Variants in GPAT4 observed in about 807,000 individuals in gnomAD.
GPAT4 encodes the protein glycerol-3-phosphate acyltransferase 4.
In GPAT4, 17 loss-of-function variants were observed where a neutral mutation model predicts 58.0. That is an observed-to-expected ratio of 0.29 (90% confidence interval 0.20 to 0.44). The LOEUF (loss-of-function observed/expected upper bound fraction) is 0.44, where lower values mean the gene tolerates loss of function less well. GPAT4 is among the 20% of genes least tolerant of loss of function. The probability of loss-of-function intolerance (pLI) is 1.00; values close to 1 mark genes in which losing one functional copy is unlikely to be tolerated. For missense variants in GPAT4, 377 were observed against 574.5 expected, an observed-to-expected ratio of 0.66 and a Z score of 3.51; for synonymous variants, 204 against 210.1, an observed-to-expected ratio of 0.97 and a Z score of 0.25.
At chr8:41,580,153 A>C (rs1233102815) in intron 1 of GPAT4, among the ~76,000 whole-genome samples, 2 of 152,242 alleles carry the variant, frequency 1.3e-5, no homozygotes, top group Non-Finnish European at 2.9e-5. Flanking sequence ...AAATGCCTTA[A>C]ATTATTTCTT....
intron 10 of GPAT4, among the ~76,000 whole-genome samples, chr8:41,617,682 C>A (rs1348100221): frequency 6.6e-6 from 1 of 152,228 alleles, no homozygotes; most frequent in Admixed American, 6.5e-5. Context: ...CTGCCCTGGG[C>A]TCCTTCTCAG....
chr8:41,591,097 G>A (rs889012211), intron 1 of GPAT4, among the ~76,000 whole-genome samples: 1 of 152,110 alleles, frequency 6.6e-6, no homozygotes, highest in Non-Finnish European at 1.5e-5. Context: ...ACTCTAAGGG[G>A]TTCCACGTGA....
rs1477293751 is a variant in GPAT4, at chr8:41,598,408, C to T, written c.-732C>T. 6.6e-6 allele frequency: 1 copy of T among 152,162 alleles called. No homozygotes were observed. The highest frequency in any genetic ancestry group is 1.5e-5 in the Non-Finnish European group (1 of 68,040). The allele number at this position is 152,162 out of a possible 1,614,324, so 9.4% of individuals were successfully genotyped here. The stretch of plus-strand genomic sequence containing the variant: ...TGCCAGATGCATCTGGAGTTACACT[C>T]AGCACTCGCAGTATGAGACATTGTG... On this transcript the variant is annotated 5_prime_UTR_variant, in exon 2 of 13. Coordinates refer to ENST00000396987, the MANE Select transcript of GPAT4 (RefSeq NM_178819.4).
intron 12 of GPAT4, among the ~76,000 whole-genome samples, chr8:41,620,448 A>T (rs1803716559): frequency 6.6e-6 from 1 of 152,240 alleles, no homozygotes; most frequent in South Asian, 2.1e-4. Flanking sequence ...AGCTCTCTGC[A>T]TGAGTTCAGA....
chr8:41,603,292 C>T (rs915602400), intron 2 of GPAT4, among the ~76,000 whole-genome samples: 7 of 152,124 alleles, frequency 4.6e-5, no homozygotes, highest in Admixed American at 2.0e-4. Context: ...TTTGGGAGGC[C>T]GAGGCAGGTG....
At chr8:41,594,440 A>G (rs1490375653) in intron 1 of GPAT4, among the ~76,000 whole-genome samples, 1 of 151,966 alleles carries the variant, frequency 6.6e-6, no homozygotes, top group Non-Finnish European at 1.5e-5. Context: ...GGAGGCCTAT[A>G]TTATACAACA....
At chr8:41,582,672 A>AGT (rs1195801606) in intron 1 of GPAT4, among the ~76,000 whole-genome samples, 5 of 106,662 alleles carry the variant, frequency 4.7e-5, no homozygotes, top group South Asian at 2.9e-4. Flanking sequence ...GGAGAGAGAG[A>AGT]GAGTGTGTGT....
intron 2 of GPAT4, among the ~76,000 whole-genome samples, chr8:41,606,044 C>T (rs904491631): frequency 4.6e-5 from 7 of 152,160 alleles, no homozygotes; most frequent in African/African-American, 1.7e-4. Flanking sequence ...AAGGGCTTGC[C>T]GTATCTTGCC....
chr8:41,608,189 T>G (rs1197868426), intron 2 of GPAT4, among the ~76,000 whole-genome samples: 2 of 152,242 alleles, frequency 1.3e-5, no homozygotes, highest in Non-Finnish European at 2.9e-5. Flanking sequence ...GGTTTGAGAT[T>G]TCCAGATGAG....
At chr8:41,597,880 G>T (rs906979966) in intron 1 of GPAT4, among the ~76,000 whole-genome samples, 1 of 151,976 alleles carries the variant, frequency 6.6e-6, no homozygotes, top group Admixed American at 6.5e-5. Context: ...TGATTTCCTT[G>T]TTTAAGCATA....
intron 10 of GPAT4, among the ~76,000 whole-genome samples, chr8:41,618,094 C>T (rs1410561361): frequency 2.6e-5 from 4 of 152,192 alleles, no homozygotes; most frequent in African/African-American, 7.2e-5. Flanking sequence ...AGGCTGTCAG[C>T]GTGAGCACAG....
In GPAT4 at chr8:41,622,412, G is replaced by A. The variant is rs1803781061; in HGVS notation, c.*1411G>A. The A allele has an allele frequency of 6.6e-6, 1 of 152,352 alleles. No homozygotes were observed. Among genetic ancestry groups the A allele is most frequent in the African/African-American group, 2.4e-5 (1 of 41,448 alleles). 9.4% of individuals were successfully genotyped at this position (152,352 alleles called of 1,614,324 possible). ...CTGGTGCCTGCTGTACAGTCACAGT[G>A]GAGGCAGAGCCAAGGCCAAGCAGCC... On this transcript the variant is annotated 3_prime_UTR_variant, in exon 13 of 13. Transcript: ENST00000396987.
At chr8:41,606,630 T>C (rs991876728) in intron 2 of GPAT4, among the ~76,000 whole-genome samples, 4 of 152,238 alleles carry the variant, frequency 2.6e-5, no homozygotes, top group Middle Eastern at 6.8e-3. Context: ...CTCAAAGAAA[T>C]AGCTAGATGG....
chr8:41,602,789 A>G (rs935387826), intron 2 of GPAT4, among the ~76,000 whole-genome samples: 2 of 152,148 alleles, frequency 1.3e-5, no homozygotes, highest in African/African-American at 2.4e-5. Flanking sequence ...TAGTTTTTAC[A>G]TTTCTGGAGG....
chr8:41,620,648 A>G (rs1443462311), intron 12 of GPAT4, among the ~76,000 whole-genome samples: 2 of 152,238 alleles, frequency 1.3e-5, no homozygotes, highest in African/African-American at 4.8e-5. Flanking sequence ...GCAGTTATCA[A>G]GTACCTTGAA....
At chr8:41,596,129 T>G (rs921749101) in intron 1 of GPAT4, among the ~76,000 whole-genome samples, 1 of 152,218 alleles carries the variant, frequency 6.6e-6, no homozygotes, top group Non-Finnish European at 1.5e-5. Context: ...TAAGTTTTCC[T>G]GGTATCATAG....
intron 1 of GPAT4, among the ~76,000 whole-genome samples, chr8:41,585,766 C>T (rs1009144506): frequency 1.3e-5 from 2 of 152,216 alleles, no homozygotes; most frequent in Admixed American, 1.3e-4. Flanking sequence ...GGCCATCATG[C>T]TTTACTGCTT....
At chr8:41,589,509 TAGTG>T (rs554144227) in intron 1 of GPAT4, among the ~76,000 whole-genome samples, 10 of 152,164 alleles carry the variant, frequency 6.6e-5, no homozygotes, top group African/African-American at 2.4e-4. Context: ...AAGGGGCAGA[TAGTG>T]AGTATTTTAG....
intron 8 of GPAT4, 39 bp from the exon 9 acceptor site, chr8:41,614,347 A>C: frequency 6.4e-7 from 1 of 1,561,838 alleles, no homozygotes; most frequent in East Asian, 2.2e-5. Context: ...GATGTGTATA[A>C]GGTTGTCTGA....
Sources: allele counts gnomAD v4.1 joint callset (sites outside exome capture counted in the v4.1 genomes callset), GRCh38; gene constraint gnomAD v4.1.1; transcripts MANE v1.5; gene names NCBI Gene and HGNC (gene_info 2026-07-23, HGNC 2026-07-21).